Variants in SUSD4 observed in about 807,000 individuals in gnomAD.
SUSD4 encodes sushi domain-containing protein 4.
SUSD4 carries 41 observed loss-of-function variants against 50.5 expected under a neutral mutation model. The ratio of observed to expected loss-of-function variants is 0.81; its 90% CI spans 0.63 to 1.05. SUSD4 has a LOEUF of 1.05. Ranked by LOEUF, SUSD4 falls within the 50% of genes least tolerant of loss-of-function variation. SUSD4 has a pLI of 0.00. For synonymous variants in SUSD4, 257 were observed against 257.3 expected (o/e 1.00, Z 0.01); for missense variants, 580 against 634.7 (o/e 0.91, Z 0.93).
rs200930945 is a variant in SUSD4, at chr1:223,223,477, C to T, written c.1216G>A (p.Val406Met). ...TATGCTGGGGGGCTCTGGTCGTCCA[C>T]GGGTAAGGGGCAGCCCTGGCCCACA... The part of the protein sequence containing the change: ...ASVGQGCPLP[V>M]DDQSPPAYPG... The change falls in exon 8 of 9, where the codon GTG becomes ATG. Residue 406 changes from valine (V) to methionine (M), a missense_variant. Transcript: ENST00000366878. The T allele has an allele frequency of 1.8e-4, 288 of 1,613,684 alleles. 1 individual carries two copies. The highest frequency in any genetic ancestry group is 6.7e-5 in the African/African-American group (5 of 75,054).
chr1:223,345,126 T>C (rs1305758771), intron 2 of SUSD4, among the ~76,000 whole-genome samples: 1 of 152,208 alleles, frequency 6.6e-6, no homozygotes, highest in Non-Finnish European at 1.5e-5. Flanking sequence ...CCAGTGAGGA[T>C]AACTTACATT....
chr1:223,352,013 C>T (rs1000464615), intron 2 of SUSD4, among the ~76,000 whole-genome samples: 1 of 152,020 alleles, frequency 6.6e-6, no homozygotes, highest in South Asian at 2.1e-4. Context: ...GCAAGATGCA[C>T]AGAAACCATG....
Position 223,231,854 on chromosome 1 carries a change from G to A in SUSD4, c.725-2466C>T, listed in dbSNP as rs1041790268. ...TGCTGGAGCATTCCCCAGCGCTGTT[G>A]TACGCTCAGGAGGCCGGCATCTTCT... is the stretch of plus-strand genomic sequence containing the variant. On this transcript the variant is annotated intron_variant, in intron 5 of 8. Transcript: ENST00000366878. This position sits in a 1 kb window ranked among gnomAD's most constrained non-coding sequence, Gnocchi z 4.2. 6.6e-6 allele frequency among the ~76,000 whole-genome samples: 1 copy of A among 152,224 alleles called. No individual in the cohort carries two copies.
chr1:223,237,997 T>C (rs2103016418), intron 5 of SUSD4, among the ~76,000 whole-genome samples: 1 of 152,110 alleles, frequency 6.6e-6, no homozygotes, highest in Non-Finnish European at 1.5e-5. Flanking sequence ...TTTGGAAAAG[T>C]TATTAATTAT....
At chr1:223,277,090 T>C (rs1663330638) in intron 3 of SUSD4, among the ~76,000 whole-genome samples, 1 of 152,232 alleles carries the variant, frequency 6.6e-6, no homozygotes, top group Non-Finnish European at 1.5e-5. Flanking sequence ...CCAATTTTAC[T>C]GCCAGCTTTA....
intron 7 of SUSD4, among the ~76,000 whole-genome samples, chr1:223,225,916 T>C (rs574234444): frequency 1.3e-5 from 2 of 152,350 alleles, no homozygotes; most frequent in South Asian, 2.1e-4. Flanking sequence ...TTGAGATTCT[T>C]GTCATGCATT....
At chr1:223,339,975 C>A (rs891110656) in intron 2 of SUSD4, among the ~76,000 whole-genome samples, 1 of 152,214 alleles carries the variant, frequency 6.6e-6, no homozygotes, top group Admixed American at 6.5e-5. Context: ...GGCAGAACCA[C>A]GACACTCAAC....
At chr1:223,291,416 C>T (rs886695335) in intron 3 of SUSD4, among the ~76,000 whole-genome samples, 2 of 133,264 alleles carry the variant, frequency 1.5e-5, no homozygotes, top group Admixed American at 8.7e-5. Context: ...TCACTTGAGC[C>T]GAGTGGAGGT....
chr1:223,245,983 A>G (rs1660898519), intron 5 of SUSD4, among the ~76,000 whole-genome samples: 1 of 152,188 alleles, frequency 6.6e-6, no homozygotes, highest in Non-Finnish European at 1.5e-5. Flanking sequence ...TTGAGCTTCC[A>G]GTGGGAAAGT....
chr1:223,300,997 T>C (rs1193497977), intron 2 of SUSD4, among the ~76,000 whole-genome samples: 1 of 152,190 alleles, frequency 6.6e-6, no homozygotes, highest in Non-Finnish European at 1.5e-5. Context: ...AAAATCACTC[T>C]AACAGCTAAT....
intron 2 of SUSD4, among the ~76,000 whole-genome samples, chr1:223,326,650 G>GA (rs1226884866): frequency 1.1e-4 from 17 of 151,574 alleles, no homozygotes; most frequent in African/African-American, 4.1e-4. Context: ...AAATCCGCAA[G>GA]AAAAAAACAA....
chr1:223,266,362 A>C (rs1026882281), intron 4 of SUSD4, among the ~76,000 whole-genome samples: 7 of 152,168 alleles, frequency 4.6e-5, no homozygotes, highest in African/African-American at 1.4e-4. Flanking sequence ...GAATAAACAG[A>C]CTCAATAATT....
At chr1:223,258,709 A>G (rs1349725048) in intron 5 of SUSD4, among the ~76,000 whole-genome samples, 1 of 152,212 alleles carries the variant, frequency 6.6e-6, no homozygotes, top group East Asian at 1.9e-4. Context: ...TTACAAATGA[A>G]ACCTTAGGTA....
chr1:223,364,350 T>TGCGTGGGGACG (rs1417017611), upstream of SUSD4: 14 of 24,816 alleles, frequency 5.6e-4, no homozygotes, highest in African/African-American at 2.2e-3. This position sits in a 1 kb window ranked among gnomAD's most constrained non-coding sequence, Gnocchi z 4.5. Flanking sequence ...AGAGAGGGAG[T>TGCGTGGGGACG]GGGTGGGGAC....
intron 5 of SUSD4, among the ~76,000 whole-genome samples, chr1:223,240,591 A>T (rs2103021068): frequency 6.6e-6 from 1 of 152,208 alleles, no homozygotes; most frequent in Admixed American, 6.5e-5. Flanking sequence ...AGCCCATCAA[A>T]GGCATTCTTT....
chr1:223,355,178 G>A (rs1485800537), intron 2 of SUSD4, among the ~76,000 whole-genome samples: 2 of 151,676 alleles, frequency 1.3e-5, no homozygotes, highest in South Asian at 2.1e-4. Flanking sequence ...GGGTTCAAGC[G>A]ATTCTCCTGT....
intron 2 of SUSD4, among the ~76,000 whole-genome samples, chr1:223,335,610 C>T (rs1027592568): frequency 6.6e-6 from 1 of 152,102 alleles, no homozygotes; most frequent in African/African-American, 2.4e-5. Context: ...TAAAACAATA[C>T]AGAAAGAACA....
chr1:223,246,503 C>T (rs577418746), intron 5 of SUSD4, among the ~76,000 whole-genome samples: 3 of 149,894 alleles, frequency 2.0e-5, no homozygotes, highest in East Asian at 2.0e-4. Context: ...CTTGTTAAGA[C>T]GTTGGCAGGA....
intron 2 of SUSD4, among the ~76,000 whole-genome samples, chr1:223,349,738 G>C (rs765618218): frequency 6.6e-6 from 1 of 152,016 alleles, no homozygotes; most frequent in Non-Finnish European, 1.5e-5. Flanking sequence ...ACTGAGCTCC[G>C]GCATCATCTC....
Sources: gnomAD v4.1 joint callset for allele counts (sites outside exome capture counted in the v4.1 genomes callset) on GRCh38, gnomAD v4.1.1 for gene constraint, Gnocchi (gnomAD v3.1) non-coding constraint, MANE v1.5 for transcripts, NCBI Gene and HGNC (gene_info 2026-07-23, HGNC 2026-07-21) for gene names.